PHLPP1: variants seen among roughly 807,000 people sequenced by gnomAD.
PHLPP1 encodes PH domain leucine-rich repeat-containing protein phosphatase 1.
A neutral mutation model predicts 117.2 loss-of-function variants in PHLPP1; 42 were observed. The observed-to-expected ratio is 0.36, with a 90% CI of 0.28 to 0.46. The LOEUF is 0.46. Ranked by LOEUF, PHLPP1 falls within the 20% of genes least tolerant of loss-of-function variation. The probability of loss-of-function intolerance (pLI) is 1.00; values close to 1 mark genes in which losing one functional copy is unlikely to be tolerated. For missense variants in PHLPP1, 2,084 were observed against 2,241.9 expected, an observed-to-expected ratio of 0.93 and a Z score of 1.42; for synonymous variants, 1,042 against 970.7, an observed-to-expected ratio of 1.07 and a Z score of -1.37.
At chr18:62,814,011 TATA>T (rs1914195933) in intron 1 of PHLPP1, among the ~76,000 whole-genome samples, 1 of 152,126 alleles carries the variant, frequency 6.6e-6, no homozygotes, top group Non-Finnish European at 1.5e-5. Context: ...TCTTTAGAGA[TATA>T]AAGGGGTACT....
At chr18:62,789,746 G>C (rs1913402805) in intron 1 of PHLPP1, among the ~76,000 whole-genome samples, 2 of 152,002 alleles carry the variant, frequency 1.3e-5, no homozygotes, top group Admixed American at 6.6e-5. Context: ...TAGTTCTATA[G>C]GGCTGGGAAG....
At chr18:62,729,364 G>C (rs901068878) in intron 1 of PHLPP1, among the ~76,000 whole-genome samples, 2 of 152,142 alleles carry the variant, frequency 1.3e-5, no homozygotes, top group Admixed American at 6.6e-5. Flanking sequence ...TTTAATACAT[G>C]AACACTTAAG....
intron 3 of PHLPP1, among the ~76,000 whole-genome samples, chr18:62,843,858 T>C (rs1915113346): frequency 6.6e-6 from 1 of 152,170 alleles, no homozygotes; most frequent in Admixed American, 6.5e-5. Flanking sequence ...CTATCAGATA[T>C]ATGAGTAACT....
intron 12 of PHLPP1, among the ~76,000 whole-genome samples, chr18:62,954,005 G>C (rs1910543552): frequency 6.6e-6 from 1 of 152,206 alleles, no homozygotes; most frequent in South Asian, 2.1e-4. Flanking sequence ...GTAATGTTCT[G>C]AGGAAAACAT....
intron 1 of PHLPP1, among the ~76,000 whole-genome samples, chr18:62,750,571 A>G (rs1911817275): frequency 6.6e-6 from 1 of 152,128 alleles, no homozygotes; most frequent in African/African-American, 2.4e-5. Context: ...AGCTTGTCTC[A>G]GATTGGACTG....
At position 62,945,231 on chromosome 18, in the gene PHLPP1, T is replaced by C; in HGVS notation, c.3284T>C (p.Ile1095Thr). ...ACCGTGATTGCTCACTCCAACTGCA[T>C]CGAGGTCTTTCCCGAAGTTATGCAG... ...MHTVIAHSNC[I>T]EVFPEVMQLP... Residue 1095 changes from isoleucine (I) to threonine (T), a missense_variant, in exon 12 of 17, where the codon ATC becomes ACC. Coordinates refer to ENST00000262719, the MANE Select transcript of PHLPP1 (RefSeq NM_194449.4). 6.2e-7 allele frequency: 1 copy of C among 1,609,234 alleles called. No individual in the cohort carries two copies. Among genetic ancestry groups the C allele is most frequent in the Non-Finnish European group, 8.5e-7 (1 of 1,178,262 alleles).
chr18:62,836,058 G>A (rs970095839), intron 2 of PHLPP1, among the ~76,000 whole-genome samples: 6 of 151,886 alleles, frequency 4.0e-5, no homozygotes, highest in Admixed American at 1.3e-4. Flanking sequence ...TGGGATTATA[G>A]GGGTGAGCCA....
chr18:62,932,183 A>G (rs963389954), intron 10 of PHLPP1, among the ~76,000 whole-genome samples: 7 of 152,176 alleles, frequency 4.6e-5, no homozygotes, highest in African/African-American at 1.7e-4. Flanking sequence ...TCCGAATTCT[A>G]CCAGACATGA....
At chr18:62,734,147 A>G (rs1228145728) in intron 1 of PHLPP1, among the ~76,000 whole-genome samples, 1 of 151,874 alleles carries the variant, frequency 6.6e-6, no homozygotes, top group Non-Finnish European at 1.5e-5. Flanking sequence ...ATGAGGTTTT[A>G]TTTTTCTATG....
chr18:62,750,951 TGTTCAC>T (rs1404967255), intron 1 of PHLPP1, among the ~76,000 whole-genome samples: 1 of 152,224 alleles, frequency 6.6e-6, no homozygotes, highest in Non-Finnish European at 1.5e-5. Context: ...TCTACATGTC[TGTTCAC>T]GTTAAATACT....
rs35464959 is a variant in PHLPP1 at position 62,924,676 on chromosome 18, GAAAAAAAAAAAAAA to G, written c.2960+4572_2960+4585del. On this transcript the variant is annotated intron_variant, in intron 10 of 16. Coordinates refer to ENST00000262719, the MANE Select transcript of PHLPP1 (RefSeq NM_194449.4). ...TGGCAAGACCCTGTCACTACAAATT[GAAAAAAAAAAAAAA>G]AAAAAAAAAGTCAGGTGTGGTGGCA... Among the ~76,000 whole-genome samples, 96 of 93,622 alleles carry G rather than the reference GAAAAAAAAAAAAAA, an allele frequency of 1.0e-3. 1 individual carries two copies. The East Asian group carries it at 0.028, about 27-fold the overall frequency. 61.4% of individuals were successfully genotyped at this position (93,622 alleles called of 152,430 possible).
intron 4 of PHLPP1, among the ~76,000 whole-genome samples, chr18:62,860,996 A>G (rs1915617457): frequency 6.6e-6 from 1 of 152,210 alleles, no homozygotes; most frequent in Admixed American, 6.5e-5. Flanking sequence ...TTTCCCATAA[A>G]AAGATATTTC....
At chr18:62,874,346 A>G (rs747055862) in intron 4 of PHLPP1, among the ~76,000 whole-genome samples, 25 of 152,160 alleles carry the variant, frequency 1.6e-4, no homozygotes, top group Middle Eastern at 6.8e-3. Context: ...TATCTCTACT[A>G]AAAATACACA....
chr18:62,831,564 C>G (rs1418464485), intron 2 of PHLPP1, among the ~76,000 whole-genome samples: 1 of 152,102 alleles, frequency 6.6e-6, no homozygotes, highest in Admixed American at 6.6e-5. Context: ...GTCTTGATCT[C>G]CTGACCTCGT....
At chr18:62,895,644 A>G in intron 5 of PHLPP1, 137 bp from the exon 6 acceptor site, 1 of 620,974 alleles carries the variant, frequency 1.6e-6, no homozygotes, top group Non-Finnish European at 2.9e-6. Context: ...TTATTGCCTC[A>G]GGCCCTGCCC....
intron 1 of PHLPP1, among the ~76,000 whole-genome samples, chr18:62,800,394 T>C (rs1913744270): frequency 6.6e-6 from 1 of 152,250 alleles, no homozygotes; most frequent in Non-Finnish European, 1.5e-5. Context: ...TTTTGTGGTT[T>C]GATTATTTTT....
At chr18:62,904,015 A>G (rs542192951) in intron 7 of PHLPP1, among the ~76,000 whole-genome samples, 10 of 152,216 alleles carry the variant, frequency 6.6e-5, no homozygotes, top group Non-Finnish European at 1.3e-4. Flanking sequence ...CAAGTTGAAC[A>G]TATGTTTATC....
chr18:62,917,711 G>T (rs1909334018), intron 9 of PHLPP1, among the ~76,000 whole-genome samples: 1 of 151,886 alleles, frequency 6.6e-6, no homozygotes, highest in South Asian at 2.1e-4. Context: ...TACTTGGAAG[G>T]CTTGAGGCAG....
intron 1 of PHLPP1, among the ~76,000 whole-genome samples, chr18:62,794,070 A>T (rs968835535): frequency 6.6e-6 from 1 of 152,134 alleles, no homozygotes; most frequent in Non-Finnish European, 1.5e-5. Context: ...TAATATTGGG[A>T]GGTTATGTGG....
Sources: gnomAD v4.1 joint callset for allele counts (sites outside exome capture counted in the v4.1 genomes callset) on GRCh38, gnomAD v4.1.1 for gene constraint, MANE v1.5 for transcripts, NCBI Gene and HGNC (gene_info 2026-07-23, HGNC 2026-07-21) for gene names.